The following NPFFR1 variants were observed in gnomAD, a reference collection of about 807,000 sequenced individuals.
NPFFR1 encodes neuropeptide FF receptor 1, also known as G-protein coupled receptor 147.
Under a neutral mutation model 12.7 loss-of-function variants are expected in NPFFR1, and 17 were observed. The ratio of observed to expected loss-of-function variants is 1.34; its 90% CI spans 0.92 to 2.01. NPFFR1 has a LOEUF of 2.01. NPFFR1 is among the 30% of genes most tolerant of loss of function. The pLI, the probability that NPFFR1 is intolerant of heterozygous loss-of-function variation, is 0.00. For missense variants in NPFFR1, 604 were observed against 606.5 expected (o/e 1.00, Z 0.04); for synonymous variants, 296 against 264.5 (o/e 1.12, Z -1.16).
intron 1 of NPFFR1, among the ~76,000 whole-genome samples, chr10:70,272,123 G>GAGAA (rs10648235): frequency 0.91 from 129,726 of 142,048 alleles, 59,217 homozygotes; most frequent in South Asian, 0.95. Flanking sequence ...CCTCAAAAAA[G>GAGAA]AGAAAGAAAG....
rs1840521643 is a variant in NPFFR1 at position 70,252,585 on chromosome 10, T to A, written c.*2372A>T. ...AAACGAACTCCCCACATACCCACAA[T>A]GTCTCACTGCTTCATTAAAGCATTG... On this transcript the variant is annotated 3_prime_UTR_variant, in exon 4 of 4. Coordinates refer to ENST00000277942, the MANE Select transcript of NPFFR1 (RefSeq NM_022146.5). 1 of 152,230 alleles carries A rather than the reference T, an allele frequency of 6.6e-6. No homozygotes were observed. Among genetic ancestry groups the A allele is most frequent in the South Asian group, 2.1e-4 (1 of 4,836 alleles). 9.4% of individuals were successfully genotyped at this position (152,230 alleles called of 1,614,324 possible). A position where few individuals can be genotyped will look rare whatever the true frequency, so the allele number is the denominator to read the frequency against.
At chr10:70,263,418 A>T (rs1054540103) in intron 2 of NPFFR1, among the ~76,000 whole-genome samples, 2 of 151,978 alleles carry the variant, frequency 1.3e-5, no homozygotes, top group African/African-American at 4.8e-5. Flanking sequence ...GACTACAGGC[A>T]CCCACGACCA....
At chr10:70,260,155 G>A (rs1292249183) in intron 3 of NPFFR1, among the ~76,000 whole-genome samples, 1 of 152,216 alleles carries the variant, frequency 6.6e-6, no homozygotes, top group Non-Finnish European at 1.5e-5. Flanking sequence ...ATGAGGCTGA[G>A]AGACGAGAAG....
Position 70,255,830 on chromosome 10 carries a change from G to A in NPFFR1, c.423-3C>T, listed in dbSNP as rs1840565509. 3.1e-6 allele frequency: 5 copies of A among 1,602,748 alleles called. No individual in the cohort carries two copies. The highest frequency in any genetic ancestry group is 2.2e-5 in the East Asian group (1 of 44,466). On this transcript the variant is annotated splice_region_variant and splice_polypyrimidine_tract_variant and intron_variant, in intron 3 of 3. Transcript: ENST00000277942. The surrounding 1 kb of genome is among the most constrained non-coding windows in gnomAD (Gnocchi z 4.2). ...AAGGGTGCACGATGCAGCGGAACCT[G>A]CCGCGGGGAGAGAGACAGGCGGGAT...
chr10:70,262,603 A>G (rs866260013), intron 2 of NPFFR1, among the ~76,000 whole-genome samples: 2 of 152,352 alleles, frequency 1.3e-5, no homozygotes, highest in Middle Eastern at 3.4e-3. Flanking sequence ...GTTGTAGATA[A>G]ATACAGCTAG....
In NPFFR1 at chr10:70,255,287, G is replaced by T. The variant is rs1354816163; in HGVS notation, c.963C>A (p.Asn321Lys). 2 of 1,581,144 alleles carry T rather than the reference G, an allele frequency of 1.3e-6. No individual in the cohort carries two copies. Among genetic ancestry groups the T allele is most frequent in the Admixed American group, 1.8e-5 (1 of 55,822 alleles). Residue 321 changes from asparagine (N) to lysine (K), a missense_variant, in exon 4 of 4, where the codon AAC becomes AAA. Transcript: ENST00000277942. The surrounding 1 kb of genome is among the most constrained non-coding windows in gnomAD (Gnocchi z 4.2). ...FPFAHWLAFF[N>K]SSANPIIYGY... ...CGTAGATGATGGGGTTGGCGCTGCT[G>T]TTGAAGAAGGCCAGCCAGTGCGCGA...
At chr10:70,271,285 G>A (rs1840740928) in intron 1 of NPFFR1, among the ~76,000 whole-genome samples, 1 of 152,054 alleles carries the variant, frequency 6.6e-6, no homozygotes, top group Non-Finnish European at 1.5e-5. Flanking sequence ...GGCCAAGGTG[G>A]GAGGATCACT....
At chr10:70,260,458 G>A (rs1840619981) in intron 3 of NPFFR1, among the ~76,000 whole-genome samples, 182 bp downstream of exon 3, 1 of 152,190 alleles carries the variant, frequency 6.6e-6, no homozygotes, top group African/African-American at 2.4e-5. Context: ...TCCTCATCAG[G>A]TTCCCCAAGT....
chr10:70,267,848 C>A (rs547149393), intron 1 of NPFFR1, among the ~76,000 whole-genome samples: 2 of 152,274 alleles, frequency 1.3e-5, no homozygotes, highest in African/African-American at 4.8e-5. Context: ...GCTGCAGGGA[C>A]CAGCAGGGGG....
At position 70,253,992 on chromosome 10, in the gene NPFFR1, C is replaced by T. The variant is rs552006521; in HGVS notation, c.*965G>A. 1 of 152,350 alleles carries T rather than the reference C, an allele frequency of 6.6e-6. No homozygotes were observed. The highest frequency in any genetic ancestry group is 2.4e-5 in the African/African-American group (1 of 41,568). 9.4% of individuals were successfully genotyped at this position (152,350 alleles called of 1,614,324 possible). On this transcript the variant is annotated 3_prime_UTR_variant, in exon 4 of 4. Transcript: ENST00000277942. ...TCCGGCTGCAGCTTCAGTTGACCAA[C>T]TTCTCCCTCCCAGGAAGCAGGGAGG... is the stretch of plus-strand genomic sequence containing the variant.
Position 70,266,296 on chromosome 10 carries a change from A to G in NPFFR1, c.103T>C (p.Tyr35His). The G allele has an allele frequency of 6.2e-7, 1 of 1,613,836 alleles. No homozygotes were observed. The highest frequency in any genetic ancestry group is 8.5e-7 in the Non-Finnish European group (1 of 1,179,822). Reference sequence around the variant, plus strand: ...GCCACAGGGGAGGTGTGCTGATAGTAGGAGGAGAAGGTGAGGTTTGTAGCC... The same window carrying G: ...GCCACAGGGGAGGTGTGCTGATAGTGGGAGGAGAAGGTGAGGTTTGTAGCC... ...TPATNLTFSS[Y>H]YQHTSPVAAM... The change falls in exon 2 of 4, where the codon TAC (tyrosine) becomes CAC (histidine). Residue 35 changes from tyrosine to histidine, a missense_variant. By Grantham distance (83) the Tyr-to-His change is moderately conservative. Transcript: ENST00000277942.
Position 70,250,925 on chromosome 10 carries a change from A to G in NPFFR1, c.*4032T>C, listed in dbSNP as rs886076741. On this transcript the variant is annotated 3_prime_UTR_variant, in exon 4 of 4. Coordinates refer to ENST00000277942, the MANE Select transcript of NPFFR1 (RefSeq NM_022146.5). Reference sequence around the variant, plus strand: ...TTGAGAGATATATGCACAGAAAAGGACGCTATACTTGTCTCTTGCGGTAGG... The same window carrying G: ...TTGAGAGATATATGCACAGAAAAGGGCGCTATACTTGTCTCTTGCGGTAGG... 3.9e-5 allele frequency: 6 copies of G among 152,198 alleles called. No individual in the cohort carries two copies. Among genetic ancestry groups the G allele is most frequent in the Non-Finnish European group, 8.8e-5 (6 of 68,046 alleles). The allele number at this position is 152,198 out of a possible 1,614,324, so 9.4% of individuals were successfully genotyped here. A position where few individuals can be genotyped will look rare whatever the true frequency, so the allele number is the denominator to read the frequency against.
intron 1 of NPFFR1, among the ~76,000 whole-genome samples, chr10:70,281,391 CA>C: frequency 6.6e-6 from 1 of 152,244 alleles, no homozygotes; most frequent in South Asian, 2.1e-4. Context: ...CAGCTAAAAC[CA>C]GCTCATTAAG....
chr10:70,275,972 A>G (rs10762356), intron 1 of NPFFR1, among the ~76,000 whole-genome samples: 47,408 of 152,030 alleles, frequency 0.31, 8,363 homozygotes, highest in South Asian at 0.47. Context: ...GGGTGCATCA[A>G]ATAAGCCAGG....
chr10:70,265,624 C>T (rs1267674600), intron 2 of NPFFR1, among the ~76,000 whole-genome samples: 1 of 152,232 alleles, frequency 6.6e-6, no homozygotes, highest in Non-Finnish European at 1.5e-5. Context: ...CTTCTCCCCA[C>T]TGGCTCTAAT....
chr10:70,269,289 C>T (rs1220782152), intron 1 of NPFFR1, among the ~76,000 whole-genome samples: 7 of 149,680 alleles, frequency 4.7e-5, no homozygotes, highest in African/African-American at 7.4e-5. Context: ...CCTGAGTAGC[C>T]GGGACTACAG....
At chr10:70,274,234 G>C (rs2136807427) in intron 1 of NPFFR1, among the ~76,000 whole-genome samples, 1 of 151,890 alleles carries the variant, frequency 6.6e-6, no homozygotes, top group African/African-American at 2.4e-5. Context: ...CAGATCACAA[G>C]GTCAGGAGTT....
chr10:70,266,125 C>T lies in NPFFR1; in HGVS notation c.274G>A (p.Val92Met). The change falls in exon 2 of 4, where the codon GTG (valine) becomes ATG (methionine). Residue 92 changes from valine to methionine, a missense_variant. Val to Met is a conservative substitution (Grantham distance 21). Transcript: ENST00000277942. ...ILNLAVSDLL[V>M]GIFCMPTTLV... is the part of the protein sequence containing the mutation. ...GTGGTGGGCATGCAGAAGATGCCCA[C>T]CAGCAGGTCACTGACAGCCAGGTTG... 2 of 1,614,042 alleles carry T rather than the reference C, an allele frequency of 1.2e-6. No homozygotes were observed. The highest frequency in any genetic ancestry group is 1.7e-6 in the Non-Finnish European group (2 of 1,179,894).
Position 70,266,143 on chromosome 10 carries a change from C to T in NPFFR1, c.256G>A (p.Ala86Thr), listed in dbSNP as rs1840686468. The T allele has an allele frequency of 6.2e-7, 1 of 1,613,992 alleles. No individual in the cohort carries two copies. The highest frequency in any genetic ancestry group is 8.5e-7 in the Non-Finnish European group (1 of 1,179,888). The part of the protein sequence containing the change: ...TVTNMFILNL[A>T]VSDLLVGIFC... Reference sequence around the variant, plus strand: ...ATGCCCACCAGCAGGTCACTGACAGCCAGGTTGAGGATGAACATGTTGGTG... The same window carrying T: ...ATGCCCACCAGCAGGTCACTGACAGTCAGGTTGAGGATGAACATGTTGGTG... The change falls in exon 2 of 4, where the codon GCT becomes ACT. Residue 86 changes from alanine to threonine, a missense_variant. Ala to Thr is a moderately conservative substitution (Grantham distance 58, BLOSUM62 0). Transcript: ENST00000277942.
Sources: gnomAD v4.1 joint callset for allele counts (sites outside exome capture counted in the v4.1 genomes callset) on GRCh38, gnomAD v4.1.1 for gene constraint, Gnocchi (gnomAD v3.1) non-coding constraint, MANE v1.5 for transcripts, NCBI Gene and HGNC (gene_info 2026-07-23, HGNC 2026-07-21) for gene names.